Variants in SIRPG observed in about 807,000 individuals in gnomAD.
SIRPG encodes signal-regulatory protein gamma.
In SIRPG, 38 loss-of-function variants were observed where a neutral mutation model predicts 35.7. The observed-to-expected ratio is 1.06, with a 90% confidence interval of 0.82 to 1.40. The LOEUF (loss-of-function observed/expected upper bound fraction) is 1.40. SIRPG is among the 40% of genes most tolerant of loss of function. The probability of loss-of-function intolerance (pLI) is 0.00; values close to 1 mark genes in which losing one functional copy is unlikely to be tolerated. For missense variants in SIRPG, 519 were observed against 483.0 expected (o/e 1.07, Z -0.70); for synonymous variants, 215 against 190.4 (o/e 1.13, Z -1.06).
At chr20:1,675,769 C>A in the SIRPG span, among the ~76,000 whole-genome samples, 1 of 152,194 alleles carries the variant, frequency 6.6e-6, no homozygotes, top group Non-Finnish European at 1.5e-5. Context: ...ACTCCAAGAA[C>A]AGTTTTTATA....
chr20:1,673,038 A>G, the SIRPG span, among the ~76,000 whole-genome samples: 1 of 152,220 alleles, frequency 6.6e-6, no homozygotes, highest in Admixed American at 6.5e-5. Flanking sequence ...CCTAAAGGGC[A>G]CCTCCAAATT....
chr20:1,666,075 A>T, the SIRPG span, among the ~76,000 whole-genome samples: 1 of 152,072 alleles, frequency 6.6e-6, no homozygotes, highest in East Asian at 1.9e-4. Flanking sequence ...CTGTAGGCCC[A>T]GGCTAATGTG....
the SIRPG span, among the ~76,000 whole-genome samples, chr20:1,685,424 T>C: frequency 6.6e-6 from 1 of 151,780 alleles, no homozygotes; most frequent in African/African-American, 2.4e-5. Context: ...GAAGAGGAGA[T>C]GAGGACACAG....
chr20:1,663,639 T>C, the SIRPG span, among the ~76,000 whole-genome samples: 4 of 152,244 alleles, frequency 2.6e-5, no homozygotes, highest in Non-Finnish European at 5.9e-5. Flanking sequence ...GAGTCAACTG[T>C]TATACGTTTA....
intron 1 of SIRPG, among the ~76,000 whole-genome samples, chr20:1,654,810 T>C (rs916371088): frequency 2.6e-5 from 4 of 152,070 alleles, no homozygotes; most frequent in South Asian, 2.1e-4. Flanking sequence ...GTATACAAAA[T>C]ATATAAGGAA....
At chr20:1,652,084 C>T (rs1384483685) in intron 1 of SIRPG, among the ~76,000 whole-genome samples, 1 of 152,150 alleles carries the variant, frequency 6.6e-6, no homozygotes, top group African/African-American at 2.4e-5. Flanking sequence ...ATTTTCATTC[C>T]TCTTGGAATT....
the SIRPG span, among the ~76,000 whole-genome samples, chr20:1,678,208 C>T: frequency 6.6e-6 from 1 of 151,666 alleles, no homozygotes; most frequent in Non-Finnish European, 1.5e-5. Context: ...CTCCTAATTT[C>T]CTGCCTCCTC....
chr20:1,658,788 C>G (rs2091988014), upstream of SIRPG, among the ~76,000 whole-genome samples: 1 of 152,116 alleles, frequency 6.6e-6, no homozygotes, highest in African/African-American at 2.4e-5. Flanking sequence ...GAATGGATCC[C>G]TCCTGCATGC....
At chr20:1,662,290 T>A (rs1489101960), upstream of SIRPG, among the ~76,000 whole-genome samples, 1 of 152,164 alleles carries the variant, frequency 6.6e-6, no homozygotes, top group Non-Finnish European at 1.5e-5. Flanking sequence ...GGGCCAGTCT[T>A]AGACACAAAC....
intron 1 of SIRPG, among the ~76,000 whole-genome samples, chr20:1,651,073 A>T (rs188378189): frequency 4.6e-4 from 70 of 152,354 alleles, no homozygotes; most frequent in African/African-American, 1.6e-3. Flanking sequence ...AAAAGCTAAG[A>T]TAGTTCATGA....
chr20:1,680,449 C>A, the SIRPG span, among the ~76,000 whole-genome samples: 1 of 152,206 alleles, frequency 6.6e-6, no homozygotes, highest in Admixed American at 6.5e-5. Flanking sequence ...GCATTGGAAA[C>A]TAAGCTTCCA....
intron 2 of SIRPG, among the ~76,000 whole-genome samples, chr20:1,642,973 C>T (rs1319283332): frequency 6.6e-6 from 1 of 152,134 alleles, no homozygotes; most frequent in Admixed American, 6.5e-5. Flanking sequence ...TGTAGGTGAC[C>T]TTGCCTTTCT....
At chr20:1,662,524 G>T (rs1464639199), upstream of SIRPG, among the ~76,000 whole-genome samples, 1 of 152,148 alleles carries the variant, frequency 6.6e-6, no homozygotes, top group Non-Finnish European at 1.5e-5. Flanking sequence ...TCCAACTACT[G>T]TTGATACATT....
At position 1,657,706 on chromosome 20, in the gene SIRPG, G is replaced by A. The variant is rs1390028269; in HGVS notation, c.9C>T (p.Val3=). The change falls in exon 1 of 6, where the codon GTC becomes GTT. Residue 3 remains valine (V), a synonymous_variant. Coordinates refer to ENST00000303415, the MANE Select transcript of SIRPG (RefSeq NM_018556.4). ...CAGGAGGATGGGGCCAGGAGGCTGG[G>A]ACAGGCATTTTGGAGACCTCAGAAG... MP[V]PASWPHPPGP... 11 of 1,614,048 alleles carry A rather than the reference G, an allele frequency of 6.8e-6. No homozygotes were observed. The Admixed American group carries it at 1.8e-4, about 27-fold the overall frequency.
At chr20:1,669,903 G>T in the SIRPG span, 9 of 182,188 alleles carry the variant, frequency 4.9e-5, no homozygotes, top group East Asian at 1.3e-3. Context: ...TTAAAATCGG[G>T]AGTAACCTCA....
At chr20:1,630,409 C>A in intron 4 of SIRPG, 103 bp from the exon 5 acceptor site, 1 of 847,926 alleles carries the variant, frequency 1.2e-6, no homozygotes, top group Non-Finnish European at 1.9e-6. Flanking sequence ...CCATCTATGC[C>A]CCACCTTTGA....
the SIRPG span, among the ~76,000 whole-genome samples, chr20:1,668,676 A>G: frequency 0.014 from 2,083 of 152,350 alleles, 23 homozygotes; most frequent in Non-Finnish European, 0.022. Context: ...AAGAGATTTG[A>G]GAAAATTGTA....
chr20:1,668,150 T>TTTTTCTTTTC, the SIRPG span, among the ~76,000 whole-genome samples: 376 of 113,194 alleles, frequency 3.3e-3, 2 homozygotes, highest in African/African-American at 0.012. Flanking sequence ...TTCTTTTCTT[T>TTTTTCTTTTC]TTTTCTTTTC....
At chr20:1,664,970 G>T in the SIRPG span, among the ~76,000 whole-genome samples, 3 of 152,140 alleles carry the variant, frequency 2.0e-5, no homozygotes, top group Non-Finnish European at 4.4e-5. Flanking sequence ...TCTAGAGGTG[G>T]CCTGTGAGGG....
Sources: gnomAD v4.1 joint callset for allele counts (sites outside exome capture counted in the v4.1 genomes callset) on GRCh38, gnomAD v4.1.1 for gene constraint, MANE v1.5 for transcripts, NCBI Gene and HGNC (gene_info 2026-07-23, HGNC 2026-07-21) for gene names.